The following PAX5 variants were observed in gnomAD, a reference collection of about 807,000 sequenced individuals.
PAX5 encodes paired box protein Pax-5.
Under a neutral mutation model 43.7 loss-of-function variants are expected in PAX5, and 9 were observed. The observed-to-expected ratio is 0.21, with a 90% CI of 0.12 to 0.36. The LOEUF (loss-of-function observed/expected upper bound fraction) is 0.36, where lower values mean the gene tolerates loss of function less well. Ranked by LOEUF, PAX5 falls within the 10% of genes least tolerant of loss-of-function variation. PAX5 has a pLI of 1.00. For missense variants in PAX5, 383 were observed against 532.7 expected (o/e 0.72, Z 2.77); for synonymous variants, 228 against 214.3 (o/e 1.06, Z -0.56).
chr9:36,969,638 C>G (rs1834769969), intron 5 of PAX5, among the ~76,000 whole-genome samples: 1 of 152,274 alleles, frequency 6.6e-6, no homozygotes, highest in African/African-American at 2.4e-5. Context: ...TGGCTGCGTC[C>G]TGCTCTGGTT....
intron 2 of PAX5, among the ~76,000 whole-genome samples, chr9:37,016,308 C>T (rs972128426): frequency 7.2e-5 from 11 of 152,272 alleles, no homozygotes; most frequent in African/African-American, 2.6e-4. Context: ...AAATAATAAT[C>T]CTGGTGTAAA....
At chr9:37,031,221 T>C (rs1840948059) in intron 1 of PAX5, among the ~76,000 whole-genome samples, 1 of 152,212 alleles carries the variant, frequency 6.6e-6, no homozygotes, top group Non-Finnish European at 1.5e-5. Context: ...ATTACCAGCA[T>C]GTCCTGCAGG....
intron 6 of PAX5, among the ~76,000 whole-genome samples, chr9:36,963,416 G>T (rs1028645211): frequency 5.3e-5 from 8 of 151,986 alleles, no homozygotes; most frequent in Admixed American, 3.9e-4. Flanking sequence ...CATTGTCCTT[G>T]ATGCTCCCAA....
chr9:36,967,851 T>G (rs760197703), intron 5 of PAX5, among the ~76,000 whole-genome samples: 3 of 152,270 alleles, frequency 2.0e-5, no homozygotes, highest in Non-Finnish European at 2.9e-5. Flanking sequence ...AAATTCCCTC[T>G]GTGTTCTGTA....
intron 7 of PAX5, among the ~76,000 whole-genome samples, chr9:36,906,697 G>A (rs1009929762): frequency 4.6e-5 from 7 of 152,186 alleles, no homozygotes; most frequent in Admixed American, 6.5e-5. Flanking sequence ...CCCCCCGCAA[G>A]CTCTCCCACC....
At chr9:36,965,117 C>T (rs928281660) in intron 6 of PAX5, among the ~76,000 whole-genome samples, 8 of 152,076 alleles carry the variant, frequency 5.3e-5, no homozygotes, top group African/African-American at 1.9e-4. Context: ...ATACCTTTCC[C>T]CCAGGAGGCC....
intron 7 of PAX5, among the ~76,000 whole-genome samples, chr9:36,915,488 T>C (rs1157601289): frequency 1.3e-5 from 2 of 152,168 alleles, no homozygotes; most frequent in African/African-American, 4.8e-5. Context: ...CCGCATTTTT[T>C]CCCAATGAAA....
chr9:36,914,951 C>A (rs1829610689), intron 7 of PAX5, among the ~76,000 whole-genome samples: 1 of 152,202 alleles, frequency 6.6e-6, no homozygotes. Flanking sequence ...CAAAGTATAT[C>A]TTAGACACTT....
intron 5 of PAX5, among the ~76,000 whole-genome samples, chr9:36,986,576 C>G (rs567671595): frequency 2.6e-5 from 4 of 152,212 alleles, no homozygotes; most frequent in Non-Finnish European, 5.9e-5. Context: ...CCTTCCACGT[C>G]GCGCAGGAAA....
chr9:37,023,048 C>A (rs1011042074), intron 1 of PAX5, among the ~76,000 whole-genome samples: 1 of 151,586 alleles, frequency 6.6e-6, no homozygotes, highest in African/African-American at 2.4e-5. Flanking sequence ...CTGAATGAGG[C>A]GAGGCAGGAC....
At chr9:36,907,769 T>G (rs1454744684) in intron 7 of PAX5, among the ~76,000 whole-genome samples, 2 of 152,200 alleles carry the variant, frequency 1.3e-5, no homozygotes, top group Non-Finnish European at 2.9e-5. Flanking sequence ...CCTGACATGT[T>G]TCTTTATGCA....
intron 1 of PAX5, among the ~76,000 whole-genome samples, chr9:37,024,881 C>T (rs1368461844): frequency 6.6e-6 from 1 of 152,222 alleles, no homozygotes; most frequent in African/African-American, 2.4e-5. Context: ...CAGTGAGGGC[C>T]TGTGGATTTC....
chr9:36,993,657 G>A (rs1210928039), intron 5 of PAX5, among the ~76,000 whole-genome samples: 1 of 152,242 alleles, frequency 6.6e-6, no homozygotes, highest in African/African-American at 2.4e-5. Context: ...CCAAGCCAGA[G>A]AGAAAGGACT....
In PAX5 at chr9:37,015,234, A is replaced by C; in HGVS notation, c.213-40T>G. On this transcript the variant is annotated intron_variant, in intron 2 of 9. Coordinates refer to ENST00000358127, the MANE Select transcript of PAX5 (RefSeq NM_016734.3). The surrounding 1 kb of genome is among the most constrained non-coding windows in gnomAD (Gnocchi z 4.4). ...GAAAGAAGCTTAGCCATGAGGAACCAGTAAAGTGGATATTGGCAACAAAAT... is the reference window on the plus strand; with the variant it reads ...GAAAGAAGCTTAGCCATGAGGAACCCGTAAAGTGGATATTGGCAACAAAAT... 6.4e-7 allele frequency: 1 copy of C among 1,563,862 alleles called. No homozygotes were observed. Among genetic ancestry groups the C allele is most frequent in the African/African-American group, 1.4e-5 (1 of 73,988 alleles).
At chr9:36,981,890 G>A (rs1328607021) in intron 5 of PAX5, among the ~76,000 whole-genome samples, 1 of 152,272 alleles carries the variant, frequency 6.6e-6, no homozygotes, top group East Asian at 1.9e-4. Context: ...GTGAGAGAGT[G>A]CTGTCTGCAC....
intron 5 of PAX5, among the ~76,000 whole-genome samples, chr9:36,992,712 G>T (rs1292587290): frequency 6.6e-6 from 1 of 152,242 alleles, no homozygotes; most frequent in African/African-American, 2.4e-5. Context: ...AAGGAGCTAA[G>T]AACAGGAGAA....
At chr9:37,007,912 C>T (rs1838587323) in intron 3 of PAX5, 1 of 152,168 alleles carries the variant, frequency 6.6e-6, no homozygotes, top group Non-Finnish European at 1.5e-5. Flanking sequence ...CAGAGTCTTG[C>T]TCTGTTGCCC....
intron 5 of PAX5, among the ~76,000 whole-genome samples, chr9:36,980,061 T>G (rs2132269935): frequency 6.6e-6 from 1 of 152,348 alleles, no homozygotes; most frequent in East Asian, 1.9e-4. Flanking sequence ...CAGAGAAGAC[T>G]TCATTCCCTA....
intron 2 of PAX5, among the ~76,000 whole-genome samples, chr9:37,016,512 C>T (rs1337676522): frequency 2.6e-5 from 4 of 152,124 alleles, no homozygotes; most frequent in Non-Finnish European, 2.9e-5. Context: ...CAGGGTTTTA[C>T]AGTAAAACCA....
Sources: gnomAD v4.1 joint callset for allele counts (sites outside exome capture counted in the v4.1 genomes callset) on GRCh38, gnomAD v4.1.1 for gene constraint, Gnocchi (gnomAD v3.1) non-coding constraint, MANE v1.5 for transcripts, NCBI Gene and HGNC (gene_info 2026-07-23, HGNC 2026-07-21) for gene names.